GRM4: variants seen among roughly 807,000 people sequenced by gnomAD.
GRM4 encodes the protein glutamate metabotropic receptor 4.
Under a neutral mutation model 81.7 loss-of-function variants are expected in GRM4, and 28 were observed. The ratio of observed to expected loss-of-function variants is 0.34; its 90% CI spans 0.25 to 0.47. GRM4 has a LOEUF of 0.47. Among genes scored for constraint, GRM4 ranks in the 20% least tolerant of loss-of-function variants. The pLI, the probability that GRM4 is intolerant of heterozygous loss-of-function variation, is 1.00. For synonymous variants in GRM4, 488 were observed against 528.8 expected (o/e 0.92, Z 1.06); for missense variants, 948 against 1,290.0 (o/e 0.73, Z 4.06).
chr6:34,099,663 T>C (rs763951515), intron 2 of GRM4, among the ~76,000 whole-genome samples: 1 of 152,118 alleles, frequency 6.6e-6, no homozygotes. Context: ...CCCAGACAGC[T>C]TGGGACAGCC....
intron 6 of GRM4, among the ~76,000 whole-genome samples, chr6:34,046,492 G>A (rs1479838250): frequency 6.6e-6 from 1 of 152,214 alleles, no homozygotes; most frequent in Non-Finnish European, 1.5e-5. Context: ...ACAGGGAGGT[G>A]AGGTGGGGGA....
intron 3 of GRM4, among the ~76,000 whole-genome samples, chr6:34,083,055 C>T (rs77873990): frequency 0.051 from 7,706 of 152,286 alleles, 207 homozygotes; most frequent in Middle Eastern, 0.071. Context: ...GAAAATGTTG[C>T]TTCCTGTCAG....
chr6:34,096,325 C>A (rs1179071893), intron 2 of GRM4, among the ~76,000 whole-genome samples: 5 of 152,156 alleles, frequency 3.3e-5, no homozygotes, highest in African/African-American at 1.2e-4. Context: ...TCTCCCACAT[C>A]CAAATCCCCC....
intron 1 of GRM4, among the ~76,000 whole-genome samples, chr6:34,154,627 A>ACT (rs1554136989): frequency 6.3e-5 from 9 of 142,810 alleles, no homozygotes; most frequent in African/African-American, 2.0e-4. Context: ...ACACACACAC[A>ACT]CTCTTAGACT....
At position 34,115,806 on chromosome 6, in the gene GRM4, C is replaced by T. The variant is rs1436491175; in HGVS notation, c.519+17172G>A. Among the ~76,000 whole-genome samples the T allele has an allele frequency of 6.6e-6, 1 of 152,206 alleles. No individual in the cohort carries two copies. Among genetic ancestry groups the T allele is most frequent in the Non-Finnish European group, 1.5e-5 (1 of 68,048 alleles). ...CAGGAGAAACTGCGGACACATCACA[C>T]CTCCCTGGGCTCCATTTGTTATCAC... is the stretch of plus-strand genomic sequence containing the variant. On this transcript the variant is annotated intron_variant, in intron 2 of 10. Coordinates refer to ENST00000538487, the MANE Select transcript of GRM4 (RefSeq NM_000841.4). This position sits in a 1 kb window ranked among gnomAD's most constrained non-coding sequence, Gnocchi z 4.1.
chr6:34,091,313 G>A (rs1768195355), intron 3 of GRM4, among the ~76,000 whole-genome samples: 1 of 152,162 alleles, frequency 6.6e-6, no homozygotes, highest in African/African-American at 2.4e-5. Context: ...GCTTAATGGG[G>A]GAAGATGGCA....
intron 6 of GRM4, among the ~76,000 whole-genome samples, chr6:34,046,615 CG>C (rs1263927921): frequency 6.6e-6 from 1 of 152,216 alleles, no homozygotes; most frequent in Non-Finnish European, 1.5e-5. Flanking sequence ...GCTCCAGCTC[CG>C]CCAGTCCTAG....
upstream of GRM4, among the ~76,000 whole-genome samples, chr6:34,146,370 C>T (rs2127520245): frequency 6.6e-6 from 1 of 152,326 alleles, no homozygotes; most frequent in East Asian, 1.9e-4. Flanking sequence ...GGTCTCCCTC[C>T]AGCACTGGAT....
intron 2 of GRM4, among the ~76,000 whole-genome samples, chr6:34,099,221 G>A (rs1011404367): frequency 1.3e-5 from 2 of 152,176 alleles, no homozygotes; most frequent in Non-Finnish European, 2.9e-5. Context: ...CCCAGGCCCC[G>A]CCAAGGAGAG....
rs1031989088 is a variant in GRM4, at chr6:34,023,018, C to T, written c.2690-148G>A. The T allele has an allele frequency of 1.0e-5, 7 of 696,528 alleles. No individual in the cohort carries two copies. In the Admixed American group the frequency reaches 1.5e-4, roughly 15 times the overall value. 43.1% of individuals were successfully genotyped at this position (696,528 alleles called of 1,614,324 possible). On this transcript the variant is annotated intron_variant, in intron 10 of 10. Transcript: ENST00000538487. ...TCCTGAGCTGAGCAATCGACACTGCCCCAAACTGCACCGGCCCCGCCTGGC... is the reference window on the plus strand; with the variant it reads ...TCCTGAGCTGAGCAATCGACACTGCTCCAAACTGCACCGGCCCCGCCTGGC...
At chr6:34,108,823 G>A (rs577455673) in intron 2 of GRM4, among the ~76,000 whole-genome samples, 25 of 151,920 alleles carry the variant, frequency 1.6e-4, no homozygotes, top group Non-Finnish European at 2.4e-4. Flanking sequence ...CCCTGCTCAC[G>A]AAGGCACTGG....
chr6:34,152,316 C>T lies in GRM4; in HGVS notation c.312+2763G>A, dbSNP rs1381597942. 6.6e-6 allele frequency among the ~76,000 whole-genome samples: 1 copy of T among 152,208 alleles called. No homozygotes were observed. Among genetic ancestry groups the T allele is most frequent in the Non-Finnish European group, 1.5e-5 (1 of 68,042 alleles). Reference sequence around the variant, plus strand: ...CCTCCAAGCCTGGCTGCTGCGGTATCTCCAGCACGGACACCAGGCAGGCTG... The same window carrying T: ...CCTCCAAGCCTGGCTGCTGCGGTATTTCCAGCACGGACACCAGGCAGGCTG... On this transcript the variant is annotated intron_variant, in intron 1 of 8. Coordinates refer to the GRM4 transcript ENST00000374177. This position sits in a 1 kb window ranked among gnomAD's most constrained non-coding sequence, Gnocchi z 4.1.
In GRM4 at chr6:34,035,926, G is replaced by T; in HGVS notation, c.2184C>A (p.Asp728Glu). The T allele has an allele frequency of 6.2e-7, 1 of 1,610,238 alleles. No individual in the cohort carries two copies. The highest frequency in any genetic ancestry group is 8.5e-7 in the Non-Finnish European group (1 of 1,176,846). The change falls in exon 9 of 11, where the codon GAC (aspartate) becomes GAA (glutamate). Residue 728 changes from aspartate to glutamate, a missense_variant. Transcript: ENST00000538487. The surrounding 1 kb of genome is among the most constrained non-coding windows in gnomAD (Gnocchi z 6.6). ...FVVDPSHSVV[D>E]FQDQRTLDPR... is the part of the protein sequence containing the mutation. ...GGTCGAGTGTCCGCTGGTCCTGGAA[G>T]TCCACCACCGAGTGGGAGGGGTCCA...
At chr6:34,120,893 C>A (rs1769784936) in intron 2 of GRM4, among the ~76,000 whole-genome samples, 1 of 152,240 alleles carries the variant, frequency 6.6e-6, no homozygotes, top group Non-Finnish European at 1.5e-5. Context: ...TGCGCCCAGC[C>A]TGCAAAGTTT....
rs1000796166 is a variant in GRM4 at position 34,079,212 on chromosome 6, G to A, written c.736+12671C>T. 5.9e-5 allele frequency among the ~76,000 whole-genome samples: 9 copies of A among 152,258 alleles called. No individual in the cohort carries two copies. The East Asian group carries it at 1.4e-3, about 23-fold the overall frequency. On this transcript the variant is annotated intron_variant, in intron 3 of 10. Transcript: ENST00000538487. ...GCCAGGGCCAGCCCACCCGCCTCAC[G>A]TCACCTGCTGCTCTTTCAGGAAGGC...
chr6:34,104,627 A>T (rs1293257217), intron 2 of GRM4, among the ~76,000 whole-genome samples: 2 of 152,142 alleles, frequency 1.3e-5, no homozygotes, highest in Non-Finnish European at 2.9e-5. Context: ...CCTGGCACAC[A>T]CTGCGTGTCC....
intron 2 of GRM4, among the ~76,000 whole-genome samples, chr6:34,122,728 T>TTGTC (rs370079388): frequency 0.037 from 5,543 of 150,734 alleles, 148 homozygotes; most frequent in African/African-American, 0.08. Flanking sequence ...CTTCCCCGGT[T>TTGTC]TGTCTGTCTG....
intron 2 of GRM4, among the ~76,000 whole-genome samples, chr6:34,125,141 T>C (rs897275417): frequency 1.3e-5 from 2 of 152,114 alleles, no homozygotes; most frequent in Admixed American, 1.3e-4. Flanking sequence ...ACCCAGCTAA[T>C]TTTTTGTATT....
chr6:34,050,012 A>G (rs78398287), intron 6 of GRM4, among the ~76,000 whole-genome samples: 6,220 of 152,258 alleles, frequency 0.041, 181 homozygotes, highest in Middle Eastern at 0.088. Context: ...CCCATTCTGC[A>G]TAAAAAACTA....
Sources: allele counts gnomAD v4.1 joint callset (sites outside exome capture counted in the v4.1 genomes callset), GRCh38; gene constraint gnomAD v4.1.1; non-coding constraint Gnocchi (gnomAD v3.1); transcripts MANE v1.5; gene names NCBI Gene and HGNC (gene_info 2026-07-23, HGNC 2026-07-21).